Variants in PCDHGA2 observed in about 807,000 individuals in gnomAD.
PCDHGA2 encodes the protein protocadherin gamma subfamily A, 2, also known as protocadherin gamma-A2.
In PCDHGA2, 40 loss-of-function variants were observed where a neutral mutation model predicts 59.2. The ratio of observed to expected loss-of-function variants is 0.68; its 90% CI spans 0.52 to 0.88. PCDHGA2 has a LOEUF of 0.88. Ranked by LOEUF, PCDHGA2 falls within the 40% of genes least tolerant of loss-of-function variation. PCDHGA2 has a pLI of 0.00. For missense variants in PCDHGA2, 1,226 were observed against 1,204.0 expected, an observed-to-expected ratio of 1.02 and a Z score of -0.27; for synonymous variants, 560 against 526.0, an observed-to-expected ratio of 1.06 and a Z score of -0.89.
In PCDHGA2 at chr5:141,402,880, A is replaced by T; in HGVS notation, c.2424+61485A>T. The T allele has an allele frequency of 1.4e-6, 2 of 1,474,944 alleles. 1 individual carries two copies. The highest frequency in any genetic ancestry group is 2.9e-5 in the South Asian group (2 of 68,686). 91.4% of individuals were successfully genotyped at this position (1,474,944 alleles called of 1,614,324 possible). On this transcript the variant is annotated intron_variant, in intron 1 of 3. Coordinates refer to ENST00000394576, the MANE Select transcript of PCDHGA2 (RefSeq NM_018915.4). ...TAAGGAAAAGATCACCATACTTTGCAGGGTGGAAGAAAGAACCTGATGAAG... is the reference window on the plus strand; with the variant it reads ...TAAGGAAAAGATCACCATACTTTGCTGGGTGGAAGAAAGAACCTGATGAAG...
intron 1 of PCDHGA2, chr5:141,413,447 C>T: frequency 2.5e-6 from 4 of 1,614,088 alleles, no homozygotes; most frequent in Non-Finnish European, 3.4e-6. Flanking sequence ...TTGATCACCG[C>T]GGGCAGGATA....
chr5:141,403,612 GC>G, intron 1 of PCDHGA2: 1 of 1,613,854 alleles, frequency 6.2e-7, no homozygotes, highest in Non-Finnish European at 8.5e-7. Flanking sequence ...GCGGCGAGCC[GC>G]GTCGCTCCAG....
intron 1 of PCDHGA2, chr5:141,407,951 A>C: frequency 1.7e-6 from 1 of 578,566 alleles, no homozygotes; most frequent in Non-Finnish European, 2.8e-6. Context: ...GCTGTCGGCC[A>C]GTGCAGAGCA....
intron 1 of PCDHGA2, chr5:141,366,607 C>A: frequency 6.2e-7 from 1 of 1,614,268 alleles, no homozygotes; most frequent in Non-Finnish European, 8.5e-7. Context: ...AGGTCTCCCT[C>A]ACCGCGGACT....
rs1036223789 is a variant in PCDHGA2, at chr5:141,511,298, G to A, written c.*125G>A. On this transcript the variant is annotated 3_prime_UTR_variant, in exon 4 of 4. Transcript: ENST00000394576. ...GAATACTGGTAGGGGCCAAGGCCAT[G>A]CTCCCCTTGGGAAACAGAAACAAGT... The A allele has an allele frequency of 4.7e-6, 7 of 1,502,412 alleles. No individual in the cohort carries two copies. In the African/African-American group the frequency reaches 8.4e-5, roughly 18 times the overall value. The allele number at this position is 1,502,412 out of a possible 1,614,324, so 93.1% of individuals were successfully genotyped here. A position where few individuals can be genotyped will look rare whatever the true frequency, so the allele number is the denominator to read the frequency against.
chr5:141,365,810 G>A, intron 1 of PCDHGA2: 1 of 1,613,920 alleles, frequency 6.2e-7, no homozygotes, highest in East Asian at 2.2e-5. Flanking sequence ...CCTGGCTGAA[G>A]ACACATTTCA....
chr5:141,419,659 C>T (rs930108720), intron 1 of PCDHGA2: 2 of 1,612,608 alleles, frequency 1.2e-6, no homozygotes, highest in East Asian at 4.5e-5. Flanking sequence ...ACTCGGGGCA[C>T]AATGCCTGGC....
intron 1 of PCDHGA2, chr5:141,414,152 A>G (rs1251267001): frequency 1.9e-6 from 3 of 1,600,994 alleles, no homozygotes; most frequent in Non-Finnish European, 2.6e-6. Context: ...ATACAAGCAG[A>G]AGATGGAGGA....
At chr5:141,494,268 C>G (rs576129333) in intron 1 of PCDHGA2, among the ~76,000 whole-genome samples, 31 of 152,288 alleles carry the variant, frequency 2.0e-4, no homozygotes, top group African/African-American at 7.2e-4. Flanking sequence ...TTCTTGCAAG[C>G]CAAGGGCCCA....
At position 141,398,898 on chromosome 5, in the gene PCDHGA2, A is replaced by G. The variant is rs565517655; in HGVS notation, c.2424+57503A>G. 11 of 1,613,922 alleles carry G rather than the reference A, an allele frequency of 6.8e-6. No homozygotes were observed. The African/African-American group carries it at 1.1e-4, about 16-fold the overall frequency. ...TCAGCCTTCGGGAAAACGTGCCACCAGGCACCACTGTGTTGCAAGTGTCAG... is the reference window on the plus strand; with the variant it reads ...TCAGCCTTCGGGAAAACGTGCCACCGGGCACCACTGTGTTGCAAGTGTCAG... On this transcript the variant is annotated intron_variant, in intron 1 of 3. Coordinates refer to ENST00000394576, the MANE Select transcript of PCDHGA2 (RefSeq NM_018915.4).
Position 141,487,367 on chromosome 5 carries a change from G to A in PCDHGA2, c.2425-7440G>A. 1 of 1,614,204 alleles carries A rather than the reference G, an allele frequency of 6.2e-7. No individual in the cohort carries two copies. The highest frequency in any genetic ancestry group is 8.5e-7 in the Non-Finnish European group (1 of 1,180,030). ...CACATGCTTTCCTGCTGGCACCTGT[G>A]CCTGTCTCACCAGATCTCGAAGGAG... On this transcript the variant is annotated intron_variant, in intron 1 of 3. Coordinates refer to ENST00000394576, the MANE Select transcript of PCDHGA2 (RefSeq NM_018915.4). This position sits in a 1 kb window ranked among gnomAD's most constrained non-coding sequence, Gnocchi z 5.0.
chr5:141,410,528 A>G (rs1464482105), intron 1 of PCDHGA2: 3 of 1,613,852 alleles, frequency 1.9e-6, no homozygotes, highest in Non-Finnish European at 2.5e-6. Flanking sequence ...CCTACATTCC[A>G]ATGAAGACAT....
chr5:141,366,599 G>C lies in PCDHGA2; in HGVS notation c.2424+25204G>C, dbSNP rs778631625. The C allele has an allele frequency of 6.2e-7, 1 of 1,614,214 alleles. No individual in the cohort carries two copies. The highest frequency in any genetic ancestry group is 8.5e-7 in the Non-Finnish European group (1 of 1,180,046). ...TTTCCTGCAGACCTATTCCCACGAG[G>C]TCTCCCTCACCGCGGACTCGAGGAA... On this transcript the variant is annotated intron_variant, in intron 1 of 3. Coordinates refer to ENST00000394576, the MANE Select transcript of PCDHGA2 (RefSeq NM_018915.4).
Position 141,370,001 on chromosome 5 carries a change from T to G in PCDHGA2, c.2424+28606T>G, listed in dbSNP as rs371025652. Among the ~76,000 whole-genome samples the G allele has an allele frequency of 8.5e-5, 13 of 152,322 alleles. No homozygotes were observed. The South Asian group carries it at 2.5e-3, about 29-fold the overall frequency. On this transcript the variant is annotated intron_variant, in intron 1 of 3. Transcript: ENST00000394576. ...TGATTTGGATGGATAAAGCTCAAATTAAAAGAAATAACAGACTAAAGATAT... is the reference window on the plus strand; with the variant it reads ...TGATTTGGATGGATAAAGCTCAAATGAAAAGAAATAACAGACTAAAGATAT...
rs71576115 is a variant in PCDHGA2 at position 141,463,438 on chromosome 5, C to CTTTT, written c.2425-31344_2425-31341dup. Among the ~76,000 whole-genome samples, 106 of 103,254 alleles carry CTTTT rather than the reference C, an allele frequency of 1.0e-3. 8 individuals are homozygous for CTTTT. Among genetic ancestry groups the CTTTT allele is most frequent in the African/African-American group, 3.9e-3 (88 of 22,404 alleles). The allele number at this position is 103,254 out of a possible 152,430, so 67.7% of individuals were successfully genotyped here. ...GTTTGCGGATCCTCATTTCCTTCTC[C>CTTTT]TTTTTTTTTTTTTTTTTTTTTTTTT... is the stretch of plus-strand genomic sequence containing the variant. On this transcript the variant is annotated intron_variant, in intron 1 of 3. Transcript: ENST00000394576.
At chr5:141,354,338 T>A (rs938895784) in intron 1 of PCDHGA2, among the ~76,000 whole-genome samples, 2 of 152,238 alleles carry the variant, frequency 1.3e-5, no homozygotes, top group Non-Finnish European at 2.9e-5. Context: ...GGTATTGTTC[T>A]AAAGATTGAG....
rs905837179 is a variant in PCDHGA2 at position 141,478,541 on chromosome 5, G to A, written c.2425-16266G>A. ...GTTGGGTGCAGAGAGCGCCCCTCCCGGACAGGTAAGGTTTAGCAAGTCATG... is the reference window on the plus strand; with the variant it reads ...GTTGGGTGCAGAGAGCGCCCCTCCCAGACAGGTAAGGTTTAGCAAGTCATG... On this transcript the variant is annotated intron_variant, in intron 1 of 3. Coordinates refer to ENST00000394576, the MANE Select transcript of PCDHGA2 (RefSeq NM_018915.4). 4 of 1,605,470 alleles carry A rather than the reference G, an allele frequency of 2.5e-6. No homozygotes were observed. The Admixed American group carries it at 5.2e-5, about 21-fold the overall frequency.
At chr5:141,362,603 C>T (rs749234036) in intron 1 of PCDHGA2, 1 of 1,572,606 alleles carries the variant, frequency 6.4e-7, no homozygotes, top group South Asian at 1.2e-5. Flanking sequence ...ATTGTTTCAC[C>T]TAATTTGGGT....
At chr5:141,423,882 C>T in intron 1 of PCDHGA2, 3 of 1,282,372 alleles carry the variant, frequency 2.3e-6, no homozygotes, top group Non-Finnish European at 3.0e-6. Context: ...TCAATCTTGG[C>T]ATATTTTCTT....
Sources: gnomAD v4.1 joint callset for allele counts (sites outside exome capture counted in the v4.1 genomes callset) on GRCh38, gnomAD v4.1.1 for gene constraint, Gnocchi (gnomAD v3.1) non-coding constraint, MANE v1.5 for transcripts, NCBI Gene and HGNC (gene_info 2026-07-23, HGNC 2026-07-21) for gene names.